Variants in TBC1D22A observed in about 807,000 individuals in gnomAD.
The protein encoded by TBC1D22A is TBC1 domain family member 22A, also known as putative GTPase activator.
In TBC1D22A, 38 loss-of-function variants were observed where a neutral mutation model predicts 60.2. The ratio of observed to expected loss-of-function variants is 0.63; its 90% confidence interval spans 0.49 to 0.83. The LOEUF (loss-of-function observed/expected upper bound fraction) is 0.83, where lower values mean the gene tolerates loss of function less well. TBC1D22A is among the 40% of genes least tolerant of loss of function. The pLI is 0.00. For missense variants in TBC1D22A, 628 were observed against 701.0 expected (o/e 0.90, Z 1.18); for synonymous variants, 302 against 281.7 (o/e 1.07, Z -0.72).
intron 10 of TBC1D22A, among the ~76,000 whole-genome samples, chr22:47,011,469 C>A (rs933607627): frequency 6.6e-6 from 1 of 152,152 alleles, no homozygotes; most frequent in Admixed American, 6.5e-5. Flanking sequence ...TTTTTGGCTT[C>A]GACCACATGC....
intron 8 of TBC1D22A, among the ~76,000 whole-genome samples, chr22:46,957,617 C>T (rs543593537): frequency 6.6e-6 from 1 of 152,342 alleles, no homozygotes; most frequent in South Asian, 2.1e-4. Context: ...CAGAACCAAA[C>T]CGTATCAAGT....
intron 12 of TBC1D22A, among the ~76,000 whole-genome samples, chr22:47,121,281 GA>G (rs1425175971): frequency 5.3e-5 from 8 of 152,240 alleles, no homozygotes; most frequent in Non-Finnish European, 1.5e-5. Context: ...TCATTCTGAT[GA>G]GGGGTGTGAT....
At chr22:46,842,530 C>T (rs1249693566) in intron 4 of TBC1D22A, among the ~76,000 whole-genome samples, 13 of 152,198 alleles carry the variant, frequency 8.5e-5, no homozygotes, top group Admixed American at 8.5e-4. Flanking sequence ...TATCAGTTCT[C>T]CCCGTAAACA....
At chr22:46,941,048 C>A (rs1003514586) in intron 8 of TBC1D22A, among the ~76,000 whole-genome samples, 1 of 144,608 alleles carries the variant, frequency 6.9e-6, no homozygotes, top group Non-Finnish European at 1.5e-5. Context: ...GGCACTAGCA[C>A]ACATATATAT....
chr22:46,842,500 A>T (rs1349274935), intron 4 of TBC1D22A, among the ~76,000 whole-genome samples: 1 of 152,196 alleles, frequency 6.6e-6, no homozygotes, highest in African/African-American at 2.4e-5. Context: ...TTTTGGATGC[A>T]TCTCAAAGTA....
intron 12 of TBC1D22A, among the ~76,000 whole-genome samples, chr22:47,145,759 C>G (rs142535070): frequency 1.3e-5 from 2 of 152,228 alleles, no homozygotes; most frequent in Non-Finnish European, 2.9e-5. Flanking sequence ...GTCTTACGTT[C>G]TTTTTCTTTC....
At chr22:46,884,415 C>A (rs1039254813) in intron 5 of TBC1D22A, among the ~76,000 whole-genome samples, 1 of 152,194 alleles carries the variant, frequency 6.6e-6, no homozygotes. Flanking sequence ...GGGAATAGTG[C>A]CCACCAGACA....
At chr22:47,033,575 C>T (rs539935395) in intron 10 of TBC1D22A, among the ~76,000 whole-genome samples, 2 of 152,136 alleles carry the variant, frequency 1.3e-5, no homozygotes, top group Non-Finnish European at 2.9e-5. Context: ...TGGGCAGGCA[C>T]CCTGAGCACT....
chr22:47,166,006 A>C (rs1327661320), intron 12 of TBC1D22A, among the ~76,000 whole-genome samples: 1 of 152,222 alleles, frequency 6.6e-6, no homozygotes, highest in African/African-American at 2.4e-5. Context: ...GAGTAGGCAA[A>C]TGGGCCTTTT....
intron 8 of TBC1D22A, among the ~76,000 whole-genome samples, chr22:46,964,925 G>A (rs1193784104): frequency 2.0e-5 from 3 of 152,230 alleles, no homozygotes; most frequent in African/African-American, 2.4e-5. Flanking sequence ...TGAGCTGCAC[G>A]CCCGTTCTTG....
At chr22:47,067,404 G>T (rs1407381192) in intron 11 of TBC1D22A, among the ~76,000 whole-genome samples, 1 of 152,188 alleles carries the variant, frequency 6.6e-6, no homozygotes, top group African/African-American at 2.4e-5. Flanking sequence ...ATTCATCCCG[G>T]TAATGAAGGG....
At chr22:46,863,387 TA>T (rs1174423006) in intron 4 of TBC1D22A, among the ~76,000 whole-genome samples, 6 of 152,188 alleles carry the variant, frequency 3.9e-5, no homozygotes, top group Admixed American at 1.3e-4. Context: ...TCTGATCAAG[TA>T]CTGTATTGGT....
At chr22:46,931,945 G>C (rs984855304) in intron 8 of TBC1D22A, among the ~76,000 whole-genome samples, 1 of 152,180 alleles carries the variant, frequency 6.6e-6, no homozygotes, top group Non-Finnish European at 1.5e-5. Context: ...TCTGTGATCT[G>C]TTGTTTTCTT....
At chr22:47,031,891 G>C (rs992982545) in intron 10 of TBC1D22A, among the ~76,000 whole-genome samples, 2 of 152,152 alleles carry the variant, frequency 1.3e-5, no homozygotes, top group Non-Finnish European at 2.9e-5. Context: ...GGGCTTGGTG[G>C]CCTCTGTGCT....
chr22:46,787,692 C>T (rs912001397), intron 1 of TBC1D22A, among the ~76,000 whole-genome samples: 1 of 152,166 alleles, frequency 6.6e-6, no homozygotes, highest in South Asian at 2.1e-4. Flanking sequence ...ATCCACGTCT[C>T]TTCCATAATA....
intron 1 of TBC1D22A, chr22:46,764,160 C>T (rs1350045243): frequency 6.6e-6 from 1 of 152,172 alleles, no homozygotes; most frequent in Admixed American, 6.5e-5. Flanking sequence ...TTACTGACAG[C>T]TCAGACAGTG....
chr22:46,990,557 G>T lies in TBC1D22A; in HGVS notation c.1126-7077G>T, dbSNP rs543761429. Among the ~76,000 whole-genome samples the T allele has an allele frequency of 6.6e-6, 1 of 152,232 alleles. No homozygotes were observed. The highest frequency in any genetic ancestry group is 1.9e-4 in the East Asian group (1 of 5,184). Reference sequence around the variant, plus strand: ...CCACAGTTTACACCAGTTGTAGGCCGTGGGTTTTGAAAGGTGTGCAGTGAC... The same window carrying T: ...CCACAGTTTACACCAGTTGTAGGCCTTGGGTTTTGAAAGGTGTGCAGTGAC... On this transcript the variant is annotated intron_variant, in intron 9 of 12. Coordinates refer to ENST00000337137, the MANE Select transcript of TBC1D22A (RefSeq NM_014346.5). This position sits in a 1 kb window ranked among gnomAD's most constrained non-coding sequence, Gnocchi z 4.6.
chr22:46,951,040 A>G (rs2072872624), intron 8 of TBC1D22A, among the ~76,000 whole-genome samples: 1 of 152,224 alleles, frequency 6.6e-6, no homozygotes, highest in Admixed American at 6.5e-5. Flanking sequence ...TTGTGGACAG[A>G]AACAGCCCAG....
At chr22:47,154,341 C>G (rs2067627897) in intron 12 of TBC1D22A, among the ~76,000 whole-genome samples, 1 of 152,204 alleles carries the variant, frequency 6.6e-6, no homozygotes, top group Non-Finnish European at 1.5e-5. Context: ...CCTCTGAGCT[C>G]TGTGTCGTGA....
Sources: gnomAD v4.1 joint callset for allele counts (sites outside exome capture counted in the v4.1 genomes callset) on GRCh38, gnomAD v4.1.1 for gene constraint, Gnocchi (gnomAD v3.1) non-coding constraint, MANE v1.5 for transcripts, NCBI Gene and HGNC (gene_info 2026-07-23, HGNC 2026-07-21) for gene names.